The following DLGAP1 variants were observed in gnomAD, a reference collection of about 807,000 sequenced individuals.
DLGAP1 encodes the protein DLG associated protein 1.
Under a neutral mutation model 90.8 loss-of-function variants are expected in DLGAP1, and 11 were observed. The ratio of observed to expected loss-of-function variants is 0.12; its 90% CI spans 0.08 to 0.20. The LOEUF (loss-of-function observed/expected upper bound fraction) is 0.20, where lower values mean the gene tolerates loss of function less well. Ranked by LOEUF, DLGAP1 falls within the 10% of genes least tolerant of loss-of-function variation. DLGAP1 has a pLI of 1.00. For missense variants in DLGAP1, 1,050 were observed against 1,333.8 expected (o/e 0.79, Z 3.31); for synonymous variants, 558 against 540.7 (o/e 1.03, Z -0.44).
At chr18:3,786,915 G>A (rs1171422827) in intron 5 of DLGAP1, among the ~76,000 whole-genome samples, 1 of 152,060 alleles carries the variant, frequency 6.6e-6, no homozygotes, top group Non-Finnish European at 1.5e-5. Context: ...GCTTCAATGA[G>A]GAACCACAAC....
chr18:3,928,110 T>C (rs2072434410), intron 3 of DLGAP1, among the ~76,000 whole-genome samples: 1 of 152,202 alleles, frequency 6.6e-6, no homozygotes, highest in Non-Finnish European at 1.5e-5. Flanking sequence ...CACACTGCTA[T>C]TTCTTTTCTC....
At chr18:4,202,526 T>C (rs1049534004) in intron 1 of DLGAP1, among the ~76,000 whole-genome samples, 1 of 152,150 alleles carries the variant, frequency 6.6e-6, no homozygotes, top group Non-Finnish European at 1.5e-5. Flanking sequence ...CTATATCCAA[T>C]AGAAAGATCA....
intron 3 of DLGAP1, among the ~76,000 whole-genome samples, chr18:3,927,772 GTAAAAGT>G (rs2072424674): frequency 1.3e-5 from 2 of 152,158 alleles, no homozygotes; most frequent in South Asian, 4.1e-4. Flanking sequence ...TTATTAAGGA[GTAAAAGT>G]TGTACATTTT....
intron 3 of DLGAP1, among the ~76,000 whole-genome samples, chr18:4,002,274 A>G (rs2074202865): frequency 7.0e-6 from 1 of 143,750 alleles, no homozygotes; most frequent in East Asian, 2.1e-4. Flanking sequence ...TTTATTAGTA[A>G]GCATCTACCT....
chr18:4,052,432 A>T (rs2075148374), intron 2 of DLGAP1, among the ~76,000 whole-genome samples: 1 of 152,182 alleles, frequency 6.6e-6, no homozygotes, highest in African/African-American at 2.4e-5. Flanking sequence ...CCTCTGAAAC[A>T]ATGTCTTGAG....
At chr18:4,196,101 C>A (rs149666018) in intron 1 of DLGAP1, among the ~76,000 whole-genome samples, 2 of 152,284 alleles carry the variant, frequency 1.3e-5, no homozygotes, top group East Asian at 3.9e-4. Flanking sequence ...ACTTATCAAT[C>A]ATGCACCAAA....
At chr18:3,786,989 A>G (rs2065479898) in intron 5 of DLGAP1, among the ~76,000 whole-genome samples, 1 of 123,348 alleles carries the variant, frequency 8.1e-6, no homozygotes, top group Admixed American at 9.8e-5. Flanking sequence ...AAAGCAGTGA[A>G]TAAGTACCAA....
intron 3 of DLGAP1, among the ~76,000 whole-genome samples, chr18:3,949,196 T>C (rs2072934137): frequency 6.6e-6 from 1 of 152,192 alleles, no homozygotes; most frequent in African/African-American, 2.4e-5. Context: ...TTTCTTGCCC[T>C]TACCAAAGGG....
intron 5 of DLGAP1, among the ~76,000 whole-genome samples, chr18:3,768,023 G>A (rs1346710538): frequency 6.6e-6 from 1 of 152,010 alleles, no homozygotes; most frequent in Admixed American, 6.5e-5. Flanking sequence ...CTTGTCATCT[G>A]TTTGCAGATG....
chr18:4,316,515 A>C (rs867934256), intron 1 of DLGAP1, among the ~76,000 whole-genome samples: 1 of 152,124 alleles, frequency 6.6e-6, no homozygotes, highest in African/African-American at 2.4e-5. Flanking sequence ...ATCCCAGAAA[A>C]CCACGGTCCT....
At chr18:3,724,472 G>A (rs1363672605) in intron 7 of DLGAP1, among the ~76,000 whole-genome samples, 1 of 152,146 alleles carries the variant, frequency 6.6e-6, no homozygotes, top group Non-Finnish European at 1.5e-5. Context: ...TGTTGGGTGT[G>A]GTGGCTCATG....
chr18:3,859,031 C>T (rs1252001144), intron 4 of DLGAP1, among the ~76,000 whole-genome samples: 1 of 152,042 alleles, frequency 6.6e-6, no homozygotes, highest in Non-Finnish European at 1.5e-5. Flanking sequence ...TTAACAGGGA[C>T]TAAAAAATTA....
At chr18:4,326,751 A>G (rs2080827123) in intron 1 of DLGAP1, among the ~76,000 whole-genome samples, 1 of 152,134 alleles carries the variant, frequency 6.6e-6, no homozygotes, top group African/African-American at 2.4e-5. Context: ...TAACATAGGG[A>G]CAGAAAAACA....
chr18:4,426,280 G>A (rs550041620), intron 1 of DLGAP1, among the ~76,000 whole-genome samples: 15 of 152,242 alleles, frequency 9.9e-5, no homozygotes, highest in African/African-American at 3.4e-4. Context: ...TTGAGGCCAC[G>A]ATAGAAGAAG....
chr18:3,619,992 G>GT (rs2146014604), intron 7 of DLGAP1, among the ~76,000 whole-genome samples: 1 of 151,952 alleles, frequency 6.6e-6, no homozygotes, highest in East Asian at 1.9e-4. Context: ...ACCTGCTGGA[G>GT]TTTAAGCAGG....
intron 1 of DLGAP1, among the ~76,000 whole-genome samples, chr18:4,153,339 G>A (rs7234701): frequency 0.21 from 31,203 of 152,112 alleles, 4,194 homozygotes; most frequent in East Asian, 0.53. Flanking sequence ...TGATGAAGCA[G>A]GTTGGGAAAC....
rs558147434 is a variant in DLGAP1 at position 4,050,327 on chromosome 18, C to T, written c.-158-45126G>A. ...AGCATTAACATTATACACATATTTA[C>T]GTAATAATCCCCTAGACTTGTATGG... On this transcript the variant is annotated intron_variant, in intron 2 of 12. Transcript: ENST00000315677. 1.1e-4 allele frequency among the ~76,000 whole-genome samples: 17 copies of T among 152,260 alleles called. No individual in the cohort carries two copies. In the South Asian group the frequency reaches 1.2e-3, roughly 11 times the overall value.
intron 7 of DLGAP1, among the ~76,000 whole-genome samples, chr18:3,682,859 C>CTT (rs762260717): frequency 1.4e-5 from 2 of 141,294 alleles, no homozygotes; most frequent in Non-Finnish European, 3.1e-5. Context: ...TTCTTTCTTT[C>CTT]TTTTTTTTTT....
Position 4,032,685 on chromosome 18 carries a change from G to A in DLGAP1, c.-158-27484C>T, listed in dbSNP as rs571323262. On this transcript the variant is annotated intron_variant, in intron 2 of 12. Transcript: ENST00000315677. ...TCGTTTGGACACAAGTCACTTGGAA[G>A]CCAAAGTTTTAAGGTGTATAGAATG... Among the ~76,000 whole-genome samples the A allele has an allele frequency of 5.8e-4, 89 of 152,298 alleles. 1 individual carries two copies. In the South Asian group the frequency reaches 0.018, roughly 31 times the overall value.
Sources: allele counts gnomAD v4.1 joint callset (sites outside exome capture counted in the v4.1 genomes callset), GRCh38; gene constraint gnomAD v4.1.1; transcripts MANE v1.5; gene names NCBI Gene and HGNC (gene_info 2026-07-23, HGNC 2026-07-21).